CCSER1: variants seen among roughly 807,000 people sequenced by gnomAD.
CCSER1 encodes the protein serine-rich coiled-coil domain-containing protein 1.
In CCSER1, 41 loss-of-function variants were observed where a neutral mutation model predicts 82.0. The observed-to-expected ratio is 0.50, with a 90% CI of 0.39 to 0.65. The LOEUF (loss-of-function observed/expected upper bound fraction) is 0.65, where lower values mean the gene tolerates loss of function less well. Among genes scored for constraint, CCSER1 ranks in the 30% least tolerant of loss-of-function variants. CCSER1 has a pLI of 0.00. For missense variants in CCSER1, 1,119 were observed against 1,064.2 expected (o/e 1.05, Z -0.72); for synonymous variants, 414 against 383.9 (o/e 1.08, Z -0.92).
intron 1 of CCSER1, among the ~76,000 whole-genome samples, chr4:90,217,947 C>A (rs1274005615): frequency 6.6e-6 from 1 of 151,912 alleles, no homozygotes; most frequent in Non-Finnish European, 1.5e-5. Context: ...AGACACACAC[C>A]ACCACATCTG....
chr4:90,697,395 C>A (rs199719241), intron 6 of CCSER1, among the ~76,000 whole-genome samples: 21 of 47,202 alleles, frequency 4.4e-4, no homozygotes, highest in Middle Eastern at 0.015. Context: ...ACATAAAAAA[C>A]CAATATTTCA....
At chr4:91,143,022 G>C (rs769052609) in intron 10 of CCSER1, among the ~76,000 whole-genome samples, 1 of 151,934 alleles carries the variant, frequency 6.6e-6, no homozygotes, top group Admixed American at 6.6e-5. Context: ...GAAAAATGAT[G>C]TCGCTAATTT....
chr4:90,186,636 T>A (rs1560763799), intron 1 of CCSER1, among the ~76,000 whole-genome samples: 1 of 151,954 alleles, frequency 6.6e-6, no homozygotes. Flanking sequence ...TTTTAAATAT[T>A]CCTTGAGGCC....
At chr4:90,138,886 T>C (rs1388752203) in intron 1 of CCSER1, among the ~76,000 whole-genome samples, 1 of 152,248 alleles carries the variant, frequency 6.6e-6, no homozygotes, top group Non-Finnish European at 1.5e-5. Context: ...TTTTGAAATG[T>C]TGACAAATCT....
At chr4:91,250,143 A>G (rs1208236911) in intron 10 of CCSER1, among the ~76,000 whole-genome samples, 1 of 152,174 alleles carries the variant, frequency 6.6e-6, no homozygotes, top group African/African-American at 2.4e-5. Flanking sequence ...TATGTGATAG[A>G]ATAAGTGGTT....
In CCSER1 at chr4:90,605,055, C is replaced by G. The variant is rs114980356; in HGVS notation, c.1725-22970C>G. 3.1e-3 allele frequency among the ~76,000 whole-genome samples: 465 copies of G among 152,326 alleles called. 3 individuals carry two copies. Among genetic ancestry groups the G allele is most frequent in the Non-Finnish European group, 5.0e-3 (337 of 68,030 alleles). Reference sequence around the variant, plus strand: ...TGGCTGTTGGCAGTAAATGTTGCTGCTGCTGACTCTTTGGGTTTGAGCCGC... The same window carrying G: ...TGGCTGTTGGCAGTAAATGTTGCTGGTGCTGACTCTTTGGGTTTGAGCCGC... On this transcript the variant is annotated intron_variant, in intron 5 of 10. Coordinates refer to ENST00000509176, the MANE Select transcript of CCSER1 (RefSeq NM_001145065.2).
intron 3 of CCSER1, among the ~76,000 whole-genome samples, chr4:90,382,100 A>G (rs1749295773): frequency 6.6e-6 from 1 of 152,118 alleles, no homozygotes. Flanking sequence ...TAAAATAAAA[A>G]CATTTGTGAT....
chr4:91,389,196 A>G (rs1751499475), intron 10 of CCSER1, among the ~76,000 whole-genome samples: 1 of 152,014 alleles, frequency 6.6e-6, no homozygotes, highest in South Asian at 2.1e-4. Context: ...TGGTTTTAAA[A>G]TTTACATTTG....
intron 10 of CCSER1, among the ~76,000 whole-genome samples, chr4:91,295,802 T>C (rs1744112581): frequency 6.6e-6 from 1 of 151,926 alleles, no homozygotes; most frequent in South Asian, 2.1e-4. Context: ...CATCATACCA[T>C]GAATCAGCCT....
chr4:90,748,403 A>T (rs938571175), intron 7 of CCSER1, among the ~76,000 whole-genome samples: 10 of 150,784 alleles, frequency 6.6e-5, no homozygotes, highest in African/African-American at 1.9e-4. Flanking sequence ...TCCATGGCGT[A>T]TATGTGCCAC....
intron 10 of CCSER1, among the ~76,000 whole-genome samples, chr4:91,513,698 T>G (rs898974988): frequency 6.6e-6 from 1 of 152,282 alleles, no homozygotes; most frequent in Middle Eastern, 3.4e-3. Context: ...TGTGAGATAG[T>G]GTGTTTCCAG....
intron 10 of CCSER1, among the ~76,000 whole-genome samples, chr4:91,477,608 C>T (rs139124250): frequency 8.2e-4 from 124 of 151,620 alleles, no homozygotes; most frequent in African/African-American, 2.6e-3. Flanking sequence ...AGTACTTTTT[C>T]ACATGTATGT....
intron 6 of CCSER1, among the ~76,000 whole-genome samples, chr4:90,699,306 A>C (rs1737572593): frequency 6.6e-6 from 1 of 152,098 alleles, no homozygotes. Context: ...TCTACTAAAA[A>C]TATAAAACAT....
chr4:91,556,808 G>T (rs961643286), intron 10 of CCSER1, among the ~76,000 whole-genome samples: 20 of 150,850 alleles, frequency 1.3e-4, no homozygotes, highest in African/African-American at 4.4e-4. Flanking sequence ...TATATTAAAA[G>T]ATATTTTAAG....
intron 9 of CCSER1, among the ~76,000 whole-genome samples, chr4:91,023,595 G>T (rs1266549417): frequency 6.6e-6 from 1 of 152,168 alleles, no homozygotes; most frequent in Non-Finnish European, 1.5e-5. Context: ...GGGAAAACTG[G>T]CTAGTCATAT....
intron 10 of CCSER1, among the ~76,000 whole-genome samples, chr4:91,379,798 T>A (rs1406678848): frequency 6.6e-6 from 1 of 152,230 alleles, no homozygotes; most frequent in African/African-American, 2.4e-5. Flanking sequence ...AGATTTTGAA[T>A]GTGTTTGCTC....
At chr4:90,957,755 T>A (rs1026164574) in intron 9 of CCSER1, among the ~76,000 whole-genome samples, 1 of 148,330 alleles carries the variant, frequency 6.7e-6, no homozygotes, top group Non-Finnish European at 1.5e-5. Context: ...AAGGTAAGAT[T>A]TGGATTTTTA....
At chr4:90,873,394 G>A (rs1347173565) in intron 8 of CCSER1, among the ~76,000 whole-genome samples, 6 of 152,008 alleles carry the variant, frequency 3.9e-5, no homozygotes, top group Non-Finnish European at 8.8e-5. Flanking sequence ...TGTGTCAGTT[G>A]CACTTCTTAG....
chr4:90,468,978 G>T (rs1763995082), intron 5 of CCSER1, among the ~76,000 whole-genome samples: 1 of 151,950 alleles, frequency 6.6e-6, no homozygotes, highest in African/African-American at 2.4e-5. Flanking sequence ...AATAAATGGG[G>T]ATTATTTCTG....
Sources: allele counts gnomAD v4.1 joint callset (sites outside exome capture counted in the v4.1 genomes callset), GRCh38; gene constraint gnomAD v4.1.1; transcripts MANE v1.5; gene names NCBI Gene and HGNC (gene_info 2026-07-23, HGNC 2026-07-21).